Variants in CLVS2 observed in about 807,000 individuals in gnomAD.
CLVS2 encodes clavesin 2, also known as clavesin-2.
In CLVS2, 19 loss-of-function variants were observed where a neutral mutation model predicts 29.0. That is an observed-to-expected ratio of 0.66 (90% CI 0.46 to 0.96). CLVS2 has a LOEUF of 0.96. Ranked by LOEUF, CLVS2 falls within the 40% of genes least tolerant of loss-of-function variation. CLVS2 has a pLI of 0.00. For missense variants in CLVS2, 294 were observed against 404.1 expected (o/e 0.73, Z 2.34); for synonymous variants, 161 against 151.3 (o/e 1.06, Z -0.47).
chr6:123,063,711 A>G lies in CLVS2; in HGVS notation c.934A>G (p.Met312Val), dbSNP rs759752707. The G allele has an allele frequency of 4.3e-6, 7 of 1,612,412 alleles. No homozygotes were observed. The highest frequency in any genetic ancestry group is 1.3e-5 in the African/African-American group (1 of 74,976). Residue 312 changes from methionine (M) to valine (V), a missense_variant, in exon 6 of 6, where the codon ATG (methionine) becomes GTG (valine). This residue lies in a region of CLVS2 where 82 missense variants were observed against 67.8 expected (regional missense o/e 1.21). Transcript: ENST00000275162. ...SVVDPTVLKRMDKNEEENMQP... is the reference protein window; with the variant it reads ...SVVDPTVLKRVDKNEEENMQP... The stretch of plus-strand genomic sequence containing the variant: ...AGTGGATCCTACAGTACTAAAACGC[A>G]TGGATAAAAATGAGGAAGAAAACAT...
chr6:123,043,993 A>C (rs1775271906), intron 3 of CLVS2, among the ~76,000 whole-genome samples: 1 of 152,226 alleles, frequency 6.6e-6, no homozygotes, highest in African/African-American at 2.4e-5. Context: ...CATATCAATT[A>C]ATTTACCCCA....
chr6:123,049,415 C>A (rs757761129), intron 4 of CLVS2, among the ~76,000 whole-genome samples: 9 of 152,004 alleles, frequency 5.9e-5, no homozygotes, highest in Non-Finnish European at 1.0e-4. Context: ...TCTTGATGTA[C>A]ATTTCACTAA....
In CLVS2 at chr6:122,997,830, T is replaced by A. The variant is rs546239763; in HGVS notation, c.53T>A (p.Leu18Gln). The change falls in exon 2 of 6, where the codon CTG (leucine) becomes CAG (glutamine). Residue 18 changes from leucine to glutamine, a missense_variant. By Grantham distance (113) the Leu-to-Gln change is moderately radical. Transcript: ENST00000275162. ...LSPETLEKAR[L>Q]ELNENPDTLH... Reference sequence around the variant, plus strand: ...CCTGAGACCCTGGAGAAAGCTCGCCTGGAGCTCAATGAAAACCCAGACACG... The same window carrying A: ...CCTGAGACCCTGGAGAAAGCTCGCCAGGAGCTCAATGAAAACCCAGACACG... 7 of 1,614,116 alleles carry A rather than the reference T, an allele frequency of 4.3e-6. No homozygotes were observed. The South Asian group carries it at 7.7e-5, about 18-fold the overall frequency.
chr6:123,014,036 C>T (rs1236655460), intron 3 of CLVS2, among the ~76,000 whole-genome samples: 1 of 152,082 alleles, frequency 6.6e-6, no homozygotes, highest in Non-Finnish European at 1.5e-5. Flanking sequence ...GTATACGTGC[C>T]ACATTTTCTT....
chr6:123,020,858 T>C (rs1226237502), intron 3 of CLVS2, among the ~76,000 whole-genome samples: 1 of 152,068 alleles, frequency 6.6e-6, no homozygotes, highest in Non-Finnish European at 1.5e-5. Context: ...TATGTTATAA[T>C]TTTTCCCTCT....
chr6:123,041,499 G>C (rs928619163), intron 3 of CLVS2, among the ~76,000 whole-genome samples: 4 of 152,044 alleles, frequency 2.6e-5, no homozygotes, highest in Non-Finnish European at 5.9e-5. Context: ...AACACCCTCA[G>C]ACAGAAATGA....
At position 123,072,352 on chromosome 6, in the gene CLVS2, G is replaced by A. The variant is rs568350088; in HGVS notation, c.*8591G>A. Reference sequence around the variant, plus strand: ...TTTAGTGGCTTTGTAATGGGTAGGGGTTTTATTCCTCTTTGTGTGCTATGT... The same window carrying A: ...TTTAGTGGCTTTGTAATGGGTAGGGATTTTATTCCTCTTTGTGTGCTATGT... On this transcript the variant is annotated 3_prime_UTR_variant, in exon 6 of 6. Transcript: ENST00000275162. The A allele has an allele frequency of 6.6e-6, 1 of 152,156 alleles. No homozygotes were observed. Among genetic ancestry groups the A allele is most frequent in the South Asian group, 2.1e-4 (1 of 4,822 alleles). 9.4% of individuals were successfully genotyped at this position (152,156 alleles called of 1,614,324 possible).
In CLVS2 at chr6:123,004,958, A is replaced by C. The variant is rs1367672522; in HGVS notation, c.390-6027A>C. Reference sequence around the variant, plus strand: ...AAAACAAAAACAAAAAACAAAAAAAAAAAAAACCAATTATCTATTCATCAA... The same window carrying C: ...AAAACAAAAACAAAAAACAAAAAAACAAAAAACCAATTATCTATTCATCAA... On this transcript the variant is annotated intron_variant, in intron 2 of 5. Coordinates refer to ENST00000275162, the MANE Select transcript of CLVS2 (RefSeq NM_001010852.4). 3.9e-5 allele frequency among the ~76,000 whole-genome samples: 6 copies of C among 152,028 alleles called. No individual in the cohort carries two copies. The East Asian group carries it at 5.8e-4, about 15-fold the overall frequency.
chr6:123,046,724 C>A (rs1458465754), intron 3 of CLVS2, among the ~76,000 whole-genome samples: 1 of 151,490 alleles, frequency 6.6e-6, no homozygotes, highest in East Asian at 1.9e-4. Context: ...AGCTGGTGTT[C>A]CTTTAGTTTT....
chr6:123,027,720 A>C (rs746961460), intron 3 of CLVS2, among the ~76,000 whole-genome samples: 1 of 151,702 alleles, frequency 6.6e-6, no homozygotes, highest in Non-Finnish European at 1.5e-5. Context: ...CATCAGGCTT[A>C]ACTTAAGTGA....
chr6:123,032,850 A>G (rs1775102381), intron 3 of CLVS2, among the ~76,000 whole-genome samples: 2 of 152,200 alleles, frequency 1.3e-5, no homozygotes, highest in South Asian at 4.1e-4. Context: ...TCTGTGCCTC[A>G]GTTTCTTCAG....
At chr6:123,063,080 CT>C (rs1008651083) in intron 5 of CLVS2, among the ~76,000 whole-genome samples, 4 of 152,174 alleles carry the variant, frequency 2.6e-5, no homozygotes, top group African/African-American at 9.7e-5. Flanking sequence ...AAATCTATAA[CT>C]GTTCCATGAA....
At chr6:123,061,857 A>G (rs1284346249) in intron 5 of CLVS2, among the ~76,000 whole-genome samples, 1 of 150,226 alleles carries the variant, frequency 6.7e-6, no homozygotes, top group African/African-American at 2.5e-5. Flanking sequence ...ATTAGGATAT[A>G]CCTCAATATT....
intron 3 of CLVS2, among the ~76,000 whole-genome samples, chr6:123,034,740 C>CAT (rs1775127000): frequency 1.3e-5 from 2 of 152,042 alleles, no homozygotes; most frequent in African/African-American, 4.8e-5. Context: ...AAATTGGTGG[C>CAT]ATATGAACAG....
At chr6:123,052,781 G>C (rs1390358152) in intron 4 of CLVS2, among the ~76,000 whole-genome samples, 8 of 134,352 alleles carry the variant, frequency 6.0e-5, no homozygotes, top group Admixed American at 5.0e-4. Flanking sequence ...GAGCATATTT[G>C]AGGTGGGGGA....
chr6:123,060,466 A>G (rs1359940918), intron 5 of CLVS2, among the ~76,000 whole-genome samples: 1 of 152,196 alleles, frequency 6.6e-6, no homozygotes, highest in African/African-American at 2.4e-5. Flanking sequence ...TTAAGCATTT[A>G]TTATTGCTTT....
At chr6:123,008,056 A>T (rs1774694086) in intron 2 of CLVS2, among the ~76,000 whole-genome samples, 3 of 152,158 alleles carry the variant, frequency 2.0e-5, no homozygotes, top group African/African-American at 7.2e-5. Flanking sequence ...CCTGTGTAGT[A>T]CTGTTCTGCT....
At chr6:123,053,928 G>T (rs1281891778) in intron 4 of CLVS2, among the ~76,000 whole-genome samples, 1 of 152,148 alleles carries the variant, frequency 6.6e-6, no homozygotes, top group Non-Finnish European at 1.5e-5. Context: ...CATTGTACTA[G>T]CAGTGAAGGC....
intron 3 of CLVS2, among the ~76,000 whole-genome samples, chr6:123,025,664 T>G (rs1774990659): frequency 6.6e-6 from 1 of 152,142 alleles, no homozygotes; most frequent in African/African-American, 2.4e-5. Context: ...AGGGAGCTAC[T>G]TTGCCAGACT....
Sources: allele counts gnomAD v4.1 joint callset (sites outside exome capture counted in the v4.1 genomes callset), GRCh38; gene constraint gnomAD v4.1.1; regional missense constraint gnomAD v4.1.1; transcripts MANE v1.5; gene names NCBI Gene and HGNC (gene_info 2026-07-23, HGNC 2026-07-21).